Variants in WIPF2 observed in about 807,000 individuals in gnomAD.
WIPF2 encodes WAS/WASL-interacting protein family member 2.
A neutral mutation model predicts 38.8 loss-of-function variants in WIPF2; 23 were observed. That is an observed-to-expected ratio of 0.59 (90% CI 0.43 to 0.84). WIPF2 has a LOEUF of 0.84. Among genes scored for constraint, WIPF2 ranks in the 40% least tolerant of loss-of-function variants. The pLI is 0.00. For missense variants in WIPF2, 574 were observed against 580.5 expected (o/e 0.99, Z 0.11); for synonymous variants, 210 against 223.2 (o/e 0.94, Z 0.53).
At chr17:40,250,182 A>AT (rs2031506137) in intron 1 of WIPF2, among the ~76,000 whole-genome samples, 1 of 122,624 alleles carries the variant, frequency 8.2e-6, no homozygotes. Flanking sequence ...TTTTTAAGAT[A>AT]TTGACTCCTG....
At chr17:40,268,809 A>G (rs1598497017) in intron 5 of WIPF2, among the ~76,000 whole-genome samples, 1 of 152,134 alleles carries the variant, frequency 6.6e-6, no homozygotes, top group East Asian at 1.9e-4. Context: ...TATTGCCTCG[A>G]TTTGTTGTGT....
At chr17:40,264,288 T>C (rs761551884) in intron 4 of WIPF2, among the ~76,000 whole-genome samples, 9 of 125,448 alleles carry the variant, frequency 7.2e-5, no homozygotes, top group Non-Finnish European at 9.2e-5. Flanking sequence ...ATTGCACCAT[T>C]GCACTCCAGC....
chr17:40,273,787 C>A lies in WIPF2; in HGVS notation c.971-3C>A. On this transcript the variant is annotated splice_region_variant and splice_polypyrimidine_tract_variant and intron_variant, in intron 5 of 7. Coordinates refer to ENST00000323571, the MANE Select transcript of WIPF2 (RefSeq NM_133264.5). ...ACCTAACTACTTTGGATTTTAATTG[C>A]AGCTCCTCCACCCCCACCACCTGTG... The A allele has an allele frequency of 6.2e-7, 1 of 1,602,148 alleles. No individual in the cohort carries two copies. The highest frequency in any genetic ancestry group is 8.5e-7 in the Non-Finnish European group (1 of 1,170,876).
chr17:40,237,905 A>AC (rs1408931449), intron 1 of WIPF2, among the ~76,000 whole-genome samples: 4 of 149,114 alleles, frequency 2.7e-5, no homozygotes, highest in Admixed American at 2.7e-4. Context: ...CCAAAAAAAA[A>AC]AAAAAAAAAA....
chr17:40,253,448 C>T (rs1251579290), intron 1 of WIPF2, among the ~76,000 whole-genome samples: 1 of 152,212 alleles, frequency 6.6e-6, no homozygotes, highest in East Asian at 1.9e-4. Flanking sequence ...CCAGGGGATG[C>T]AAAGAAAAGA....
intron 4 of WIPF2, among the ~76,000 whole-genome samples, chr17:40,263,113 TAGAC>T (rs920304788): frequency 5.9e-5 from 9 of 152,122 alleles, no homozygotes; most frequent in African/African-American, 2.2e-4. Context: ...AAGTTTCAGT[TAGAC>T]AGGAGGGGTA....
At chr17:40,251,747 A>G (rs915581058) in intron 1 of WIPF2, among the ~76,000 whole-genome samples, 1 of 152,150 alleles carries the variant, frequency 6.6e-6, no homozygotes, top group South Asian at 2.1e-4. Flanking sequence ...AGTTTTTCTC[A>G]TGTACATGTA....
At chr17:40,265,345 T>C (rs1035322949) in intron 5 of WIPF2, among the ~76,000 whole-genome samples, 199 bp downstream of exon 5, 1 of 152,178 alleles carries the variant, frequency 6.6e-6, no homozygotes, top group Non-Finnish European at 1.5e-5. Flanking sequence ...TAGTAAAATA[T>C]ATAAATACAT....
chr17:40,230,048 G>A (rs1250231523), intron 1 of WIPF2, among the ~76,000 whole-genome samples: 3 of 152,150 alleles, frequency 2.0e-5, no homozygotes, highest in Admixed American at 1.3e-4. Flanking sequence ...CCTAAAAAAT[G>A]GGTAAATAGG....
chr17:40,272,400 C>T (rs1031447124), intron 5 of WIPF2, among the ~76,000 whole-genome samples: 3 of 152,186 alleles, frequency 2.0e-5, no homozygotes, highest in African/African-American at 7.2e-5. Context: ...GTGTTTACAG[C>T]TCTGACTGAT....
intron 1 of WIPF2, among the ~76,000 whole-genome samples, chr17:40,230,732 A>C (rs757138071): frequency 2.0e-5 from 3 of 152,130 alleles, no homozygotes; most frequent in Non-Finnish European, 4.4e-5. Context: ...AGGAGCAGGG[A>C]GGAGTGTTTA....
Position 40,256,413 on chromosome 17 carries a change from C to G in WIPF2, c.-47C>G, listed in dbSNP as rs943544159. 1 of 1,586,470 alleles carries G rather than the reference C, an allele frequency of 6.3e-7. No individual in the cohort carries two copies. Among genetic ancestry groups the G allele is most frequent in the Non-Finnish European group, 8.5e-7 (1 of 1,171,226 alleles). Reference sequence around the variant, plus strand: ...CAGGTATATGAATGACCTAAAGGTACAAATAAAGACGGAGAGAGAACAGTG... The same window carrying G: ...CAGGTATATGAATGACCTAAAGGTAGAAATAAAGACGGAGAGAGAACAGTG... On this transcript the variant is annotated 5_prime_UTR_variant, in exon 2 of 8. Coordinates refer to ENST00000323571, the MANE Select transcript of WIPF2 (RefSeq NM_133264.5).
intron 1 of WIPF2, among the ~76,000 whole-genome samples, chr17:40,228,234 C>G (rs1320469522): frequency 2.6e-5 from 4 of 151,368 alleles, no homozygotes; most frequent in African/African-American, 9.7e-5. Context: ...CCGGGATGGT[C>G]TCGATCTCCT....
At chr17:40,253,941 T>TC (rs780097086) in intron 1 of WIPF2, among the ~76,000 whole-genome samples, 8 of 152,244 alleles carry the variant, frequency 5.3e-5, no homozygotes, top group Non-Finnish European at 1.2e-4. Context: ...AATTACTGCA[T>TC]TATTGACAGA....
At chr17:40,248,855 G>C (rs1478814670) in intron 1 of WIPF2, among the ~76,000 whole-genome samples, 2 of 152,050 alleles carry the variant, frequency 1.3e-5, no homozygotes, top group African/African-American at 4.8e-5. Flanking sequence ...TGGTTTATTA[G>C]GATATTAAGT....
chr17:40,267,532 T>C (rs544321124), intron 5 of WIPF2, among the ~76,000 whole-genome samples: 4 of 152,202 alleles, frequency 2.6e-5, no homozygotes, highest in African/African-American at 9.6e-5. Context: ...TTGGCCTTTA[T>C]TTATTTATTT....
chr17:40,223,694 G>T (rs1350219342), intron 1 of WIPF2, among the ~76,000 whole-genome samples: 1 of 149,392 alleles, frequency 6.7e-6, no homozygotes, highest in African/African-American at 2.5e-5. Context: ...CCACCTCCCA[G>T]GTTCAAGCGA....
In WIPF2 at chr17:40,233,759, T is replaced by C. The variant is rs952370904; in HGVS notation, c.-70+14267T>C. Among the ~76,000 whole-genome samples, 4 of 151,610 alleles carry C rather than the reference T, an allele frequency of 2.6e-5. No homozygotes were observed. In the Admixed American group the frequency reaches 2.6e-4, roughly 10 times the overall value. On this transcript the variant is annotated intron_variant, in intron 1 of 7. Transcript: ENST00000323571. Reference sequence around the variant, plus strand: ...GCCTGGCCAACATGGTGAAACCCCGTCTCTACTAAAAATACAAAATTGGGC... The same window carrying C: ...GCCTGGCCAACATGGTGAAACCCCGCCTCTACTAAAAATACAAAATTGGGC...
At chr17:40,274,217 T>A (rs1298856155) in intron 6 of WIPF2, among the ~76,000 whole-genome samples, 2 of 152,158 alleles carry the variant, frequency 1.3e-5, no homozygotes, top group Non-Finnish European at 2.9e-5. Context: ...TGGAGTAGAT[T>A]GAAGTAAAAT....
Sources: allele counts gnomAD v4.1 joint callset (sites outside exome capture counted in the v4.1 genomes callset), GRCh38; gene constraint gnomAD v4.1.1; transcripts MANE v1.5; gene names NCBI Gene and HGNC (gene_info 2026-07-23, HGNC 2026-07-21).